FCHO1: variants seen among roughly 807,000 people sequenced by gnomAD.
The protein encoded by FCHO1 is FCH and mu domain containing endocytic adaptor 1.
Under a neutral mutation model 114.4 loss-of-function variants are expected in FCHO1, and 45 were observed. That is an observed-to-expected ratio of 0.39 (90% CI 0.31 to 0.50). FCHO1 has a LOEUF of 0.50. FCHO1 is among the 20% of genes least tolerant of loss of function. FCHO1 has a pLI of 0.77. For synonymous variants in FCHO1, 480 were observed against 488.9 expected, an observed-to-expected ratio of 0.98 and a Z score of 0.24; for missense variants, 1,042 against 1,209.6, an observed-to-expected ratio of 0.86 and a Z score of 2.06.
rs77755707 is a variant in FCHO1, at chr19:17,788,271, T to C, written c.2648-13T>C. The C allele has an allele frequency of 2.1e-3, 1,815 of 880,136 alleles. 15 individuals are homozygous for C. In the African/African-American group the frequency reaches 0.043, roughly 21 times the overall value. 54.5% of individuals were successfully genotyped at this position (880,136 alleles called of 1,614,324 possible). A position where few individuals can be genotyped will look rare whatever the true frequency, so the allele number is the denominator to read the frequency against. On this transcript the variant is annotated splice_polypyrimidine_tract_variant and intron_variant, in intron 28 of 28. Coordinates refer to ENST00000596536, the MANE Select transcript of FCHO1 (RefSeq NM_015122.3). ...CCTCCCCACCCCTCCCCCTCACAGC[T>C]GCACCCCCACAGGGATGTACCTGGT...
At chr19:17,758,977 CAT>C (rs1229516527) in intron 4 of FCHO1, among the ~76,000 whole-genome samples, 5 of 152,026 alleles carry the variant, frequency 3.3e-5, no homozygotes, top group Admixed American at 3.3e-4. Context: ...CTGTCTCAAA[CAT>C]AGAAAAATAT....
intron 7 of FCHO1, among the ~76,000 whole-genome samples, chr19:17,767,817 A>G (rs368862462): frequency 6.6e-6 from 1 of 152,184 alleles, no homozygotes; most frequent in South Asian, 2.1e-4. Flanking sequence ...CACATTTGCT[A>G]TCTGTCCCTT....
rs765938995 is a variant in FCHO1, at chr19:17,784,849, C to A, written c.2351C>A (p.Pro784Gln). The A allele has an allele frequency of 6.2e-7, 1 of 1,613,902 alleles. No homozygotes were observed. Among genetic ancestry groups the A allele is most frequent in the East Asian group, 2.2e-5 (1 of 44,888 alleles). Residue 784 changes from proline to glutamine, a missense_variant, in exon 26 of 29, where the codon CCA becomes CAA. Coordinates refer to ENST00000596536, the MANE Select transcript of FCHO1 (RefSeq NM_015122.3). This position sits in a 1 kb window ranked among gnomAD's most constrained non-coding sequence, Gnocchi z 5.3. ...CCCGGTGCCACGGCTGTGCCCACAC[C>A]ACTCACGAACGTCCAGATCCTGCTG... ...YRPGATAVPT[P>Q]LTNVQILLPV... is the part of the protein sequence containing the mutation.
chr19:17,784,982 T>G lies in FCHO1; in HGVS notation c.2426+58T>G. On this transcript the variant is annotated intron_variant, in intron 26 of 28. Transcript: ENST00000596536. This position sits in a 1 kb window ranked among gnomAD's most constrained non-coding sequence, Gnocchi z 5.3. The stretch of plus-strand genomic sequence containing the variant: ...GCAGTTTCCCCCATAACCCCAGACC[T>G]TCTCCCTGATGCATTGATTAAAGGG... The G allele has an allele frequency of 6.5e-7, 1 of 1,535,810 alleles. No individual in the cohort carries two copies. Among genetic ancestry groups the G allele is most frequent in the Non-Finnish European group, 8.9e-7 (1 of 1,124,742 alleles).
rs1457900598 is a variant in FCHO1 at position 17,775,937 on chromosome 19, G to C, written c.1004-46G>C. 1 of 1,589,802 alleles carries C rather than the reference G, an allele frequency of 6.3e-7. No individual in the cohort carries two copies. The highest frequency in any genetic ancestry group is 1.7e-5 in the Admixed American group (1 of 59,464). On this transcript the variant is annotated intron_variant, in intron 15 of 28. Transcript: ENST00000596536. The surrounding 1 kb of genome is among the most constrained non-coding windows in gnomAD (Gnocchi z 5.1). The stretch of plus-strand genomic sequence containing the variant: ...GAGGCTGGATTGGAGAGCTGACTGG[G>C]GGAAAGCTTGTGTTGGGATTGGCTT...
chr19:17,763,259 CTTTTT>C (rs11349881), intron 5 of FCHO1, among the ~76,000 whole-genome samples: 3 of 96,040 alleles, frequency 3.1e-5, no homozygotes, highest in Non-Finnish European at 6.4e-5. Context: ...CCACATCTGG[CTTTTT>C]TTTTTTTTTT....
intron 1 of FCHO1, among the ~76,000 whole-genome samples, chr19:17,752,581 G>A (rs1718786726): frequency 6.6e-6 from 1 of 151,392 alleles, no homozygotes; most frequent in African/African-American, 2.4e-5. Flanking sequence ...ATTTTACTTG[G>A]TTTAACATTA....
At chr19:17,764,044 CT>C (rs11458516) in intron 5 of FCHO1, among the ~76,000 whole-genome samples, 117 of 145,048 alleles carry the variant, frequency 8.1e-4, no homozygotes, top group Non-Finnish European at 7.3e-4. Flanking sequence ...GCTTCTTCAT[CT>C]TTTTTTTTTT....
chr19:17,769,616 CACACACACACACACACAA>C (rs1258400126), intron 7 of FCHO1, among the ~76,000 whole-genome samples: 1 of 136,934 alleles, frequency 7.3e-6, no homozygotes, highest in Non-Finnish European at 1.7e-5. Context: ...CACACACACA[CACACACACACACACACAA>C]AACGGTGAGT....
At position 17,787,795 on chromosome 19, in the gene FCHO1, C is replaced by T. The variant is rs2094037920; in HGVS notation, c.2596C>T (p.Leu866=). 6.2e-7 allele frequency: 1 copy of T among 1,613,204 alleles called. No individual in the cohort carries two copies. The highest frequency in any genetic ancestry group is 1.3e-5 in the African/African-American group (1 of 74,922). Residue 866 remains leucine (L), a synonymous_variant, in exon 28 of 29, where the codon CTG becomes TTG. Coordinates refer to ENST00000596536, the MANE Select transcript of FCHO1 (RefSeq NM_015122.3). The part of the protein sequence containing the change: ...GTTLSGVDLE[L]VGSGYRMSLV... ...CACTCTGTCGGGCGTGGACTTGGAACTGGTGGGCAGCGGTTACCGCATGTC... is the reference window on the plus strand; with the variant it reads ...CACTCTGTCGGGCGTGGACTTGGAATTGGTGGGCAGCGGTTACCGCATGTC...
chr19:17,749,478 G>A (rs1156512323), upstream of FCHO1, among the ~76,000 whole-genome samples: 1 of 152,278 alleles, frequency 6.6e-6, no homozygotes, highest in African/African-American at 2.4e-5. Flanking sequence ...GGAAGGGGGA[G>A]TCTATCAAAG....
At chr19:17,757,152 C>G (rs1018531103) in intron 4 of FCHO1, among the ~76,000 whole-genome samples, 5 of 150,348 alleles carry the variant, frequency 3.3e-5, no homozygotes, top group African/African-American at 1.2e-4. Context: ...CCACTGCACT[C>G]CAGCCTGGGT....
chr19:17,781,375 G>C (rs1046031611), intron 21 of FCHO1, 32 bp downstream of exon 21: 4 of 1,607,818 alleles, frequency 2.5e-6, no homozygotes, highest in Non-Finnish European at 3.4e-6. Context: ...GAGCTGGACT[G>C]GGGGTCGCGT....
intron 26 of FCHO1, among the ~76,000 whole-genome samples, chr19:17,786,201 C>T (rs982274284): frequency 3.3e-5 from 5 of 151,780 alleles, no homozygotes; most frequent in East Asian, 1.9e-4. Flanking sequence ...GGCGTGGTGG[C>T]GGGCGCCTGT....
At chr19:17,767,554 A>C in intron 7 of FCHO1, among the ~76,000 whole-genome samples, 1 of 73,310 alleles carries the variant, frequency 1.4e-5, no homozygotes, top group Non-Finnish European at 2.6e-5. Context: ...GCAACAGAGA[A>C]AGACTGTCTA....
chr19:17,784,271 G>A lies in FCHO1; in HGVS notation c.2226+36G>A. 6.4e-7 allele frequency: 1 copy of A among 1,566,146 alleles called. No individual in the cohort carries two copies. The stretch of plus-strand genomic sequence containing the variant: ...CGCATGGGGCCGGGAGGAGGTGGTG[G>A]AGTGGGGGACACGGTGAGCCGGCAG... On this transcript the variant is annotated intron_variant, in intron 25 of 28. Transcript: ENST00000596536. This position sits in a 1 kb window ranked among gnomAD's most constrained non-coding sequence, Gnocchi z 5.3.
At chr19:17,768,589 G>A (rs1381107009) in intron 7 of FCHO1, among the ~76,000 whole-genome samples, 1 of 151,886 alleles carries the variant, frequency 6.6e-6, no homozygotes, top group African/African-American at 2.4e-5. Context: ...AGCTACTCAG[G>A]AGGCTGAGAC....
At position 17,766,844 on chromosome 19, in the gene FCHO1, G is replaced by A. The variant is rs199533162; in HGVS notation, c.336+34G>A. On this transcript the variant is annotated intron_variant, in intron 7 of 28. Transcript: ENST00000596536. Reference sequence around the variant, plus strand: ...CGTGGGCGCCGCCCAGCGGCTGGGTGGGTGTGGAACACCGGCAGCTCACAG... The same window carrying A: ...CGTGGGCGCCGCCCAGCGGCTGGGTAGGTGTGGAACACCGGCAGCTCACAG... 7 of 1,601,896 alleles carry A rather than the reference G, an allele frequency of 4.4e-6. No individual in the cohort carries two copies. The East Asian group carries it at 1.1e-4, about 26-fold the overall frequency.
chr19:17,762,698 C>T lies in FCHO1; in HGVS notation c.28-64C>T, dbSNP rs116706157. On this transcript the variant is annotated intron_variant, in intron 4 of 28. Coordinates refer to ENST00000596536, the MANE Select transcript of FCHO1 (RefSeq NM_015122.3). Reference sequence around the variant, plus strand: ...GGACTTCTGCTCCTTGGCCACGCCCCCGTTGCTAAGCAACTATGATGTTCT... The same window carrying T: ...GGACTTCTGCTCCTTGGCCACGCCCTCGTTGCTAAGCAACTATGATGTTCT... 5.7e-4 allele frequency: 705 copies of T among 1,227,546 alleles called. 7 individuals carry two copies. The African/African-American group carries it at 9.8e-3, about 17-fold the overall frequency. 76.0% of individuals were successfully genotyped at this position (1,227,546 alleles called of 1,614,324 possible).
Sources: allele counts gnomAD v4.1 joint callset (sites outside exome capture counted in the v4.1 genomes callset), GRCh38; gene constraint gnomAD v4.1.1; non-coding constraint Gnocchi (gnomAD v3.1); transcripts MANE v1.5; gene names NCBI Gene and HGNC (gene_info 2026-07-23, HGNC 2026-07-21).